Variants in MARK2 observed in about 807,000 individuals in gnomAD.
The protein encoded by MARK2 is microtubule affinity regulating kinase 2.
Under a neutral mutation model 89.8 loss-of-function variants are expected in MARK2, and 16 were observed. The observed-to-expected ratio is 0.18, with a 90% CI of 0.12 to 0.27. The LOEUF (loss-of-function observed/expected upper bound fraction) is 0.27. Ranked by LOEUF, MARK2 falls within the 10% of genes least tolerant of loss-of-function variation. The probability of loss-of-function intolerance (pLI) is 1.00; values close to 1 mark genes in which losing one functional copy is unlikely to be tolerated. For missense variants in MARK2, 621 were observed against 1,049.9 expected (o/e 0.59, Z 5.65); for synonymous variants, 382 against 399.5 (o/e 0.96, Z 0.52).
At chr11:63,849,383 T>C (rs1336954002) in intron 1 of MARK2, among the ~76,000 whole-genome samples, 2 of 152,234 alleles carry the variant, frequency 1.3e-5, no homozygotes, top group African/African-American at 4.8e-5. Flanking sequence ...GTTGAGCTTA[T>C]GGCACAGCTG....
At chr11:63,893,114 A>G (rs974613050) in intron 1 of MARK2, among the ~76,000 whole-genome samples, 22 of 151,116 alleles carry the variant, frequency 1.5e-4, no homozygotes, top group African/African-American at 4.6e-4. Flanking sequence ...AGGTTTTACT[A>G]TGTTGGCCAG....
At chr11:63,843,938 T>G (rs1450655811) in intron 1 of MARK2, among the ~76,000 whole-genome samples, 1 of 152,178 alleles carries the variant, frequency 6.6e-6, no homozygotes, top group Non-Finnish European at 1.5e-5. Flanking sequence ...AGCATCTCAG[T>G]CCACACTCTG....
chr11:63,851,464 T>C (rs886179456), intron 1 of MARK2, among the ~76,000 whole-genome samples: 1 of 152,158 alleles, frequency 6.6e-6, no homozygotes, highest in African/African-American at 2.4e-5. Context: ...ATTTCTTTCA[T>C]TGTATTTTCC....
intron 2 of MARK2, 26 bp from the exon 3 acceptor site, chr11:63,895,554 T>G (rs775912141): frequency 6.2e-7 from 1 of 1,609,842 alleles, no homozygotes; most frequent in Admixed American, 1.7e-5. Context: ...GAGAAGTGAT[T>G]TGGGGCCTTT....
intron 1 of MARK2, among the ~76,000 whole-genome samples, chr11:63,894,581 A>G (rs1468330547): frequency 6.6e-6 from 1 of 152,166 alleles, no homozygotes; most frequent in Non-Finnish European, 1.5e-5. Context: ...CTGTAATCCC[A>G]GCTACTCGGG....
intron 1 of MARK2, among the ~76,000 whole-genome samples, chr11:63,859,424 A>G (rs1336479151): frequency 6.6e-6 from 1 of 151,248 alleles, no homozygotes; most frequent in Non-Finnish European, 1.5e-5. Context: ...AGGTTCAAGC[A>G]ATTCTCCTGC....
intron 1 of MARK2, among the ~76,000 whole-genome samples, chr11:63,884,944 G>A (rs564206714): frequency 7.4e-4 from 112 of 152,374 alleles, no homozygotes; most frequent in African/African-American, 2.6e-3. Context: ...GCTCACTCCT[G>A]TGATCCCAGC....
In MARK2 at chr11:63,874,019, A is replaced by C. The variant is rs939171558; in HGVS notation, c.55-21140A>C. ...CACTGGAAAGCCTGTAACTTCACAG[A>C]GCCAGGGGTCAGCTTTTGTGCCATA... On this transcript the variant is annotated intron_variant, in intron 1 of 18. Coordinates refer to ENST00000402010, the MANE Select transcript of MARK2 (RefSeq NM_001039469.3). Among the ~76,000 whole-genome samples, 19 of 152,350 alleles carry C rather than the reference A, an allele frequency of 1.2e-4. No homozygotes were observed. In the East Asian group the frequency reaches 3.5e-3, roughly 28 times the overall value.
chr11:63,904,217 C>A lies in MARK2; in HGVS notation c.1676+70C>A. ...CCCTACCCCCTTGCCCCAACAATTT[C>A]TTCTTCCCACTTGGGGGTCCTGCTG... On this transcript the variant is annotated intron_variant, in intron 15 of 18. Coordinates refer to ENST00000402010, the MANE Select transcript of MARK2 (RefSeq NM_001039469.3). This position sits in a 1 kb window ranked among gnomAD's most constrained non-coding sequence, Gnocchi z 6.3. The A allele has an allele frequency of 2.2e-6, 3 of 1,342,006 alleles. No individual in the cohort carries two copies. Among genetic ancestry groups the A allele is most frequent in the Non-Finnish European group, 3.0e-6 (3 of 1,003,794 alleles). The allele number at this position is 1,342,006 out of a possible 1,614,324, so 83.1% of individuals were successfully genotyped here. A position where few individuals can be genotyped will look rare whatever the true frequency, so the allele number is the denominator to read the frequency against.
At chr11:63,842,490 G>A (rs2016069893) in intron 1 of MARK2, among the ~76,000 whole-genome samples, 1 of 152,074 alleles carries the variant, frequency 6.6e-6, no homozygotes, top group South Asian at 2.1e-4. Flanking sequence ...ACAGGTGTGA[G>A]CCACTGCGCC....
chr11:63,845,491 C>G (rs940613374), intron 1 of MARK2, among the ~76,000 whole-genome samples: 7 of 152,170 alleles, frequency 4.6e-5, no homozygotes, highest in Non-Finnish European at 1.0e-4. Context: ...CAGGCCTCCT[C>G]CCAGCTTTCA....
Position 63,909,400 on chromosome 11 carries a change from G to A in MARK2, c.*163G>A, listed in dbSNP as rs1941606712. 4.3e-6 allele frequency: 3 copies of A among 696,340 alleles called. No individual in the cohort carries two copies. The East Asian group carries it at 9.2e-5, about 21-fold the overall frequency. The allele number at this position is 696,340 out of a possible 1,614,324, so 43.1% of individuals were successfully genotyped here. ...CTCAGTTTTCTCTTACATGTTTGTG[G>A]GGGGTGGGAGATTGTTCTCCAGCAC... is the stretch of plus-strand genomic sequence containing the variant. On this transcript the variant is annotated 3_prime_UTR_variant, in exon 19 of 19. Coordinates refer to ENST00000402010, the MANE Select transcript of MARK2 (RefSeq NM_001039469.3).
intron 17 of MARK2, 142 bp downstream of exon 17, chr11:63,906,256 A>T: frequency 9.9e-6 from 11 of 1,108,818 alleles, no homozygotes; most frequent in Non-Finnish European, 1.3e-5. Context: ...TCTCTCTGCC[A>T]TCTTAAAGGG....
chr11:63,902,302 T>C lies in MARK2; in HGVS notation c.1206T>C (p.Asn402=), dbSNP rs755495827. The C allele has an allele frequency of 3.5e-5, 56 of 1,613,948 alleles. No homozygotes were observed. The highest frequency in any genetic ancestry group is 4.6e-5 in the Non-Finnish European group (54 of 1,179,984). ...SHKVQRSVSA[N]PKQRRFSDQA... The stretch of plus-strand genomic sequence containing the variant: ...AGGTACAGCGCAGCGTGTCGGCCAA[T>C]CCCAAGCAGCGGCGCTTCAGCGACC... The change falls in exon 12 of 19, where the codon AAT becomes AAC. Residue 402 remains asparagine, a synonymous_variant. Coordinates refer to ENST00000402010, the MANE Select transcript of MARK2 (RefSeq NM_001039469.3). The surrounding 1 kb of genome is among the most constrained non-coding windows in gnomAD (Gnocchi z 4.2).
At chr11:63,840,853 C>T (rs79037381) in intron 1 of MARK2, among the ~76,000 whole-genome samples, 1 of 152,158 alleles carries the variant, frequency 6.6e-6, no homozygotes, top group Non-Finnish European at 1.5e-5. Context: ...CACGGTCCCC[C>T]TCATCCTGGC....
chr11:63,904,818 C>G lies in MARK2; in HGVS notation c.1709C>G (p.Pro570Arg), dbSNP rs1941194451. Residue 570 changes from proline (P) to arginine (R), a missense_variant, in exon 16 of 19, where the codon CCA becomes CGA. By Grantham distance (103) the Pro-to-Arg change is moderately radical. Transcript: ENST00000402010. This position sits in a 1 kb window ranked among gnomAD's most constrained non-coding sequence, Gnocchi z 6.3. ...TAPQRVPVAS[P>R]SAHNISSSGG... ...CCCCAGCGTGTCCCTGTTGCCTCCCCATCCGCCCACAACATCAGCAGCAGT... is the reference window on the plus strand; with the variant it reads ...CCCCAGCGTGTCCCTGTTGCCTCCCGATCCGCCCACAACATCAGCAGCAGT... The G allele has an allele frequency of 6.2e-7, 1 of 1,614,046 alleles. No homozygotes were observed. Among genetic ancestry groups the G allele is most frequent in the African/African-American group, 1.3e-5 (1 of 74,918 alleles).
intron 1 of MARK2, among the ~76,000 whole-genome samples, chr11:63,889,473 A>G (rs1302229904): frequency 6.6e-6 from 1 of 152,194 alleles, no homozygotes; most frequent in Non-Finnish European, 1.5e-5. Flanking sequence ...AACTGTTGGT[A>G]GGAGCCTCCA....
chr11:63,841,797 A>G (rs2016032894), intron 1 of MARK2, among the ~76,000 whole-genome samples: 1 of 152,216 alleles, frequency 6.6e-6, no homozygotes, highest in Non-Finnish European at 1.5e-5. Flanking sequence ...TGTGCTGCTT[A>G]CTACATGTAA....
intron 1 of MARK2, among the ~76,000 whole-genome samples, chr11:63,840,925 A>G (rs1277165683): frequency 2.0e-5 from 3 of 152,052 alleles, no homozygotes; most frequent in Non-Finnish European, 2.9e-5. Context: ...TTTTGATCCC[A>G]GAGACGTCCA....
Sources: allele counts gnomAD v4.1 joint callset (sites outside exome capture counted in the v4.1 genomes callset), GRCh38; gene constraint gnomAD v4.1.1; non-coding constraint Gnocchi (gnomAD v3.1); transcripts MANE v1.5; gene names NCBI Gene and HGNC (gene_info 2026-07-23, HGNC 2026-07-21).